Variants in TEDDM1 observed in about 807,000 individuals in gnomAD.
TEDDM1 encodes the protein transmembrane epididymal protein 1, also known as epididymal protein 9.
For synonymous variants in TEDDM1, 126 were observed against 128.0 expected (o/e 0.98, Z 0.11); for missense variants, 344 against 318.9 (o/e 1.08, Z -0.60).
chr1:182,400,335 C>A lies in TEDDM1; in HGVS notation c.151G>T (p.Gly51Trp). 1 of 1,614,124 alleles carries A rather than the reference C, an allele frequency of 6.2e-7. No homozygotes were observed. The highest frequency in any genetic ancestry group is 1.6e-4 in the Middle Eastern group (1 of 6,062). ...ACTTGCTTCCTCATGAGCACCATCC[C>A]GCCATCAAGACAGAGAACCACATAA... ...TFYVVLCLDG[G>W]MVLMRKQVPS... The change falls in exon 1 of 1, where the codon GGG becomes TGG. Residue 51 changes from glycine (G) to tryptophan (W), a missense_variant. Physicochemically the swap from Gly to Trp is radical, Grantham distance 184. Transcript: ENST00000367565.
At position 182,399,909 on chromosome 1, in the gene TEDDM1, T is replaced by C; in HGVS notation, c.577A>G (p.Ser193Gly). ...AAGGTGGTGACAAACATGATGTCACTGATGTCATCGTCCTGCCATGGGTAG... is the reference window on the plus strand; with the variant it reads ...AAGGTGGTGACAAACATGATGTCACCGATGTCATCGTCCTGCCATGGGTAG... Reference protein sequence around the residue: ...SGYPWQDDDISDIMFVTTFFC... With the variant: ...SGYPWQDDDIGDIMFVTTFFC... Residue 193 changes from serine (S) to glycine (G), a missense_variant, in exon 1 of 1, where the codon AGT becomes GGT. Ser to Gly is a moderately conservative substitution (Grantham distance 56). Transcript: ENST00000367565. 2 of 1,614,156 alleles carry C rather than the reference T, an allele frequency of 1.2e-6. No individual in the cohort carries two copies. Among genetic ancestry groups the C allele is most frequent in the Non-Finnish European group, 8.5e-7 (1 of 1,180,016 alleles).
At position 182,399,964 on chromosome 1, in the gene TEDDM1, T is replaced by C; in HGVS notation, c.522A>G (p.Ala174=). ...AGACGGGTCTGTATAGAATAAAGCC[T>C]GCCTGCATCAGCCAGGAGCCCATCA... ...ILMMGSWLMQ[A]GFILYRPVSG... The change falls in exon 1 of 1, where the codon GCA becomes GCG. Residue 174 remains alanine, a synonymous_variant. Coordinates refer to ENST00000367565, the MANE Select transcript of TEDDM1 (RefSeq NM_172000.4). 6.2e-7 allele frequency: 1 copy of C among 1,613,890 alleles called. No homozygotes were observed. Among genetic ancestry groups the C allele is most frequent in the Non-Finnish European group, 8.5e-7 (1 of 1,179,820 alleles).
rs948312336 is a variant in TEDDM1, at chr1:182,400,663, T to C, written c.-178A>G. 1.0e-5 allele frequency: 6 copies of C among 590,796 alleles called. No individual in the cohort carries two copies. The African/African-American group carries it at 1.1e-4, about 11-fold the overall frequency. 36.6% of individuals were successfully genotyped at this position (590,796 alleles called of 1,614,324 possible). A position where few individuals can be genotyped will look rare whatever the true frequency, so the allele number is the denominator to read the frequency against. On this transcript the variant is annotated 5_prime_UTR_variant, in exon 1 of 1. In the 5' UTR this introduces an upstream ATG that the reference lacks. Coordinates refer to ENST00000367565, the MANE Select transcript of TEDDM1 (RefSeq NM_172000.4). ...ACAGGCCTCTCGAGTTCTGGGCCTA[T>C]ATATACAGAGCTAAGTTCTACCTAC...
Position 182,399,736 on chromosome 1 carries a change from G to T in TEDDM1, c.750C>A (p.Tyr250Ter). Reference protein sequence around the residue: ...PYYASTPGPLYKLLQEVEQSE... With the variant: ...PYYASTPGPL ...ACTGCTCCACTTCCTGTAGCAACTT[G>T]TAGAGGGGTCCTGGAGTGCTTGCAT... The change falls in exon 1 of 1, where the codon TAC (tyrosine) becomes TAA (stop). Residue 250 changes from tyrosine (Y) to a stop codon, truncating the protein, a stop_gained. Coordinates refer to ENST00000367565, the MANE Select transcript of TEDDM1 (RefSeq NM_172000.4). LOFTEE classifies it low-confidence loss of function (END_TRUNC). The T allele has an allele frequency of 6.2e-7, 1 of 1,614,096 alleles. No homozygotes were observed. The highest frequency in any genetic ancestry group is 8.5e-7 in the Non-Finnish European group (1 of 1,179,990).
chr1:182,400,490 T>A lies in TEDDM1; in HGVS notation c.-5A>T. 3 of 1,595,766 alleles carry A rather than the reference T, an allele frequency of 1.9e-6. No individual in the cohort carries two copies. The highest frequency in any genetic ancestry group is 2.6e-6 in the Non-Finnish European group (3 of 1,174,314). The stretch of plus-strand genomic sequence containing the variant: ...GAGACAACCTTTGAGTATCATGCCC[T>A]TGGAGACCACTGTGGCCTGATATAG... On this transcript the variant is annotated 5_prime_UTR_variant, in exon 1 of 1. In the 5' UTR this introduces an upstream ATG that the reference lacks. Transcript: ENST00000367565.
rs746355573 is a variant in TEDDM1 at position 182,400,235 on chromosome 1, A to G, written c.251T>C (p.Val84Ala). 2 of 1,614,080 alleles carry G rather than the reference A, an allele frequency of 1.2e-6. No individual in the cohort carries two copies. The highest frequency in any genetic ancestry group is 1.7e-6 in the Non-Finnish European group (2 of 1,180,042). The change falls in exon 1 of 1, where the codon GTG becomes GCG. Residue 84 changes from valine to alanine, a missense_variant. Transcript: ENST00000367565. The part of the protein sequence containing the change: ...MFILLTLNGC[V>A]DFMSKNVLPQ... ...CAGCACATTCTTGCTCATGAAGTCC[A>G]CACAGCCATTAAGAGTGAGGAGGAT...
chr1:182,400,198 A>C lies in TEDDM1; in HGVS notation c.288T>G (p.Cys96Trp). ...FMSKNVLPQRCVGLEKGTLVL... is the reference protein window; with the variant it reads ...FMSKNVLPQRWVGLEKGTLVL... ...CCAGGGTACCTTTTTCTAGGCCCAC[A>C]CACCTCTGAGGCAGCACATTCTTGC... is the stretch of plus-strand genomic sequence containing the variant. The change falls in exon 1 of 1, where the codon TGT becomes TGG. Residue 96 changes from cysteine to tryptophan, a missense_variant. Transcript: ENST00000367565. 6.2e-7 allele frequency: 1 copy of C among 1,614,122 alleles called. No individual in the cohort carries two copies. The highest frequency in any genetic ancestry group is 8.5e-7 in the Non-Finnish European group (1 of 1,180,012).
Position 182,399,566 on chromosome 1 carries a change from G to A in TEDDM1, c.*98C>T. 2.4e-6 allele frequency: 2 copies of A among 850,004 alleles called. No homozygotes were observed. The highest frequency in any genetic ancestry group is 3.8e-6 in the Non-Finnish European group (2 of 520,248). The allele number at this position is 850,004 out of a possible 1,614,324, so 52.7% of individuals were successfully genotyped here. A position where few individuals can be genotyped will look rare whatever the true frequency, so the allele number is the denominator to read the frequency against. On this transcript the variant is annotated 3_prime_UTR_variant, in exon 1 of 1. Transcript: ENST00000367565. ...GACGGGACCAACTGCTAGCCTTCAA[G>A]GCCATTACCTTTACCAAGGAGGGTA...
Position 182,398,306 on chromosome 1 carries a change from A to C in TEDDM1, c.*1358T>G, listed in dbSNP as rs947782871. On this transcript the variant is annotated 3_prime_UTR_variant, in exon 1 of 1. Transcript: ENST00000367565. ...AGACTCTGGAAGCAAAGAAGGCTTT[A>C]TTAAACATAACCATGATCCATAGCT... 1.3e-5 allele frequency: 2 copies of C among 152,252 alleles called. No individual in the cohort carries two copies. The highest frequency in any genetic ancestry group is 4.8e-5 in the African/African-American group (2 of 41,466). The allele number at this position is 152,252 out of a possible 1,614,324, so 9.4% of individuals were successfully genotyped here.
In TEDDM1 at chr1:182,399,965, G is replaced by A. The variant is rs779054145; in HGVS notation, c.521C>T (p.Ala174Val). The stretch of plus-strand genomic sequence containing the variant: ...GACGGGTCTGTATAGAATAAAGCCT[G>A]CCTGCATCAGCCAGGAGCCCATCAT... ...ILMMGSWLMQAGFILYRPVSG... is the reference protein window; with the variant it reads ...ILMMGSWLMQVGFILYRPVSG... The change falls in exon 1 of 1, where the codon GCA (alanine) becomes GTA (valine). Residue 174 changes from alanine to valine, a missense_variant. Ala to Val is a moderately conservative substitution (Grantham distance 64, BLOSUM62 0). Coordinates refer to ENST00000367565, the MANE Select transcript of TEDDM1 (RefSeq NM_172000.4). 1.6e-5 allele frequency: 26 copies of A among 1,613,966 alleles called. No homozygotes were observed. The Admixed American group carries it at 3.0e-4, about 19-fold the overall frequency.
At position 182,399,789 on chromosome 1, in the gene TEDDM1, G is replaced by T. The variant is rs572625736; in HGVS notation, c.697C>A (p.Leu233Met). Residue 233 changes from leucine to methionine, a missense_variant, in exon 1 of 1, where the codon CTG becomes ATG. Physicochemically the swap from Leu to Met is conservative, Grantham distance 15. Transcript: ENST00000367565. The part of the protein sequence containing the change: ...WYHCFRPSLK[L>M]TGPKEAPYYA... Reference sequence around the variant, plus strand: ...TATGGAGCTTCTTTGGGCCCAGTCAGCTTCAAGCTGGGTCTGAAACAATGA... The same window carrying T: ...TATGGAGCTTCTTTGGGCCCAGTCATCTTCAAGCTGGGTCTGAAACAATGA... 9.3e-6 allele frequency: 15 copies of T among 1,614,008 alleles called. No homozygotes were observed. In the Middle Eastern group the frequency reaches 9.9e-4, roughly 106 times the overall value.
chr1:182,398,352 G>T lies in TEDDM1; in HGVS notation c.*1312C>A, dbSNP rs958783807. 3.9e-5 allele frequency: 6 copies of T among 152,198 alleles called. No individual in the cohort carries two copies. The highest frequency in any genetic ancestry group is 9.7e-5 in the African/African-American group (4 of 41,446). 9.4% of individuals were successfully genotyped at this position (152,198 alleles called of 1,614,324 possible). A position where few individuals can be genotyped will look rare whatever the true frequency, so the allele number is the denominator to read the frequency against. ...TAGCTGGAGTATACATAGGAAATTT[G>T]GTAACTTGGATAAGGCAAAGTCTTT... is the stretch of plus-strand genomic sequence containing the variant. On this transcript the variant is annotated 3_prime_UTR_variant, in exon 1 of 1. Coordinates refer to ENST00000367565, the MANE Select transcript of TEDDM1 (RefSeq NM_172000.4).
Position 182,400,136 on chromosome 1 carries a change from G to A in TEDDM1, c.350C>T (p.Ser117Leu). 6.2e-7 allele frequency: 1 copy of A among 1,614,054 alleles called. No homozygotes were observed. Among genetic ancestry groups the A allele is most frequent in the South Asian group, 1.1e-5 (1 of 91,072 alleles). The change falls in exon 1 of 1, where the codon TCA becomes TTA. Residue 117 changes from serine (S) to leucine (L), a missense_variant. Transcript: ENST00000367565. ...IIYELLLLMV[S>L]HVKDSEGVEL... ...CACCCCTTCTGAATCTTTAACATGT[G>A]ACACCATCAGCAGCAGGAGCTCGTA... is the stretch of plus-strand genomic sequence containing the variant.
rs1650664427 is a variant in TEDDM1, at chr1:182,400,274, T to G, written c.212A>C (p.His71Pro). 3 of 1,614,028 alleles carry G rather than the reference T, an allele frequency of 1.9e-6. No individual in the cohort carries two copies. Among genetic ancestry groups the G allele is most frequent in the African/African-American group, 1.3e-5 (1 of 74,904 alleles). ...AGTGAGGAGGATGAACATGGTGAGG[T>G]GCTGCCACTCTTTGGGGTACATGAA... ...SRFMYPKEWQHLTMFILLTLN... is the reference protein window; with the variant it reads ...SRFMYPKEWQPLTMFILLTLN... Residue 71 changes from histidine to proline, a missense_variant, in exon 1 of 1, where the codon CAC (histidine) becomes CCC (proline). His to Pro is a moderately conservative substitution (Grantham distance 77). Coordinates refer to ENST00000367565, the MANE Select transcript of TEDDM1 (RefSeq NM_172000.4).
At position 182,399,684 on chromosome 1, in the gene TEDDM1, G is replaced by A; in HGVS notation, c.802C>T (p.Leu268Phe). Residue 268 changes from leucine to phenylalanine, a missense_variant, in exon 1 of 1, where the codon CTT becomes TTT. Coordinates refer to ENST00000367565, the MANE Select transcript of TEDDM1 (RefSeq NM_172000.4). ...QSEKEDQALLLPKSSP is the reference protein window; with the variant it reads ...QSEKEDQALLFPKSSP ...CTGTCTCAGGGGGAGCTCTTTGGAA[G>A]GAGGAGAGCCTGGTCCTCTTTCTCT... 1 of 1,613,792 alleles carries A rather than the reference G, an allele frequency of 6.2e-7. No homozygotes were observed. Among genetic ancestry groups the A allele is most frequent in the Non-Finnish European group, 8.5e-7 (1 of 1,179,830 alleles).
At position 182,400,511 on chromosome 1, in the gene TEDDM1, T is replaced by A; in HGVS notation, c.-26A>T. The A allele has an allele frequency of 1.3e-6, 2 of 1,557,340 alleles. No homozygotes were observed. The highest frequency in any genetic ancestry group is 1.7e-6 in the Non-Finnish European group (2 of 1,156,064). On this transcript the variant is annotated 5_prime_UTR_variant, in exon 1 of 1. Coordinates refer to ENST00000367565, the MANE Select transcript of TEDDM1 (RefSeq NM_172000.4). ...GCCCTTGGAGACCACTGTGGCCTGA[T>A]ATAGTCCATAAGAGAAAAGAAATAG...
Position 182,399,752 on chromosome 1 carries a change from G to A in TEDDM1, c.734C>T (p.Thr245Ile), listed in dbSNP as rs143806474. 25 of 1,613,978 alleles carry A rather than the reference G, an allele frequency of 1.5e-5. No individual in the cohort carries two copies. The highest frequency in any genetic ancestry group is 2.1e-5 in the Non-Finnish European group (25 of 1,180,020). ...GPKEAPYYAS[T>I]PGPLYKLLQE... ...TAGCAACTTGTAGAGGGGTCCTGGA[G>A]TGCTTGCATAATATGGAGCTTCTTT... The change falls in exon 1 of 1, where the codon ACT becomes ATT. Residue 245 changes from threonine to isoleucine, a missense_variant. Physicochemically the swap from Thr to Ile is moderately conservative, Grantham distance 89. Transcript: ENST00000367565.
Position 182,400,343 on chromosome 1 carries a change from A to G in TEDDM1, c.143T>C (p.Leu48Pro), listed in dbSNP as rs1650666790. The G allele has an allele frequency of 1.2e-6, 2 of 1,614,106 alleles. No individual in the cohort carries two copies. The highest frequency in any genetic ancestry group is 3.3e-5 in the Admixed American group (2 of 60,002). ...SLLTFYVVLC[L>P]DGGMVLMRKQ... ...CCTCATGAGCACCATCCCGCCATCA[A>G]GACAGAGAACCACATAAAATGTTAA... Residue 48 changes from leucine to proline, a missense_variant, in exon 1 of 1, where the codon CTT (leucine) becomes CCT (proline). By Grantham distance (98) the Leu-to-Pro change is moderately conservative. Coordinates refer to ENST00000367565, the MANE Select transcript of TEDDM1 (RefSeq NM_172000.4).
chr1:182,399,428 G>A lies in TEDDM1; in HGVS notation c.*236C>T, dbSNP rs1650638498. 2.0e-6 allele frequency: 1 copy of A among 510,298 alleles called. No individual in the cohort carries two copies. Among genetic ancestry groups the A allele is most frequent in the East Asian group, 3.2e-5 (1 of 30,786 alleles). The allele number at this position is 510,298 out of a possible 1,614,324, so 31.6% of individuals were successfully genotyped here. On this transcript the variant is annotated 3_prime_UTR_variant, in exon 1 of 1. Transcript: ENST00000367565. ...GGAGAATCGCTTGAACTCGGGAGGCGGAGGTTGCACTGAGCTGAGATTGTG... is the reference window on the plus strand; with the variant it reads ...GGAGAATCGCTTGAACTCGGGAGGCAGAGGTTGCACTGAGCTGAGATTGTG...
Sources: gnomAD v4.1 joint callset for allele counts on GRCh38, gnomAD v4.1.1 for gene constraint, MANE v1.5 for transcripts, NCBI Gene and HGNC (gene_info 2026-07-23, HGNC 2026-07-21) for gene names.